Variants in TAS2R1 observed in about 807,000 individuals in gnomAD.
TAS2R1 encodes taste receptor type 2 member 1.
For missense variants in TAS2R1, 370 were observed against 353.4 expected (o/e 1.05, Z -0.38); for synonymous variants, 141 against 134.2 (o/e 1.05, Z -0.35).
the TAS2R1 span, among the ~76,000 whole-genome samples, chr5:9,751,675 C>G: frequency 6.6e-6 from 1 of 152,148 alleles, no homozygotes; most frequent in African/African-American, 2.4e-5. Flanking sequence ...AGAGTTTCCT[C>G]CAAATGAGAT....
the TAS2R1 span, among the ~76,000 whole-genome samples, chr5:9,850,488 C>T: frequency 0.077 from 11,706 of 152,272 alleles, 610 homozygotes; most frequent in East Asian, 0.21. Context: ...GAATCCATCA[C>T]GGAGGGTACA....
intron 2 of TAS2R1, among the ~76,000 whole-genome samples, chr5:9,645,188 C>T (rs1040364523): frequency 3.3e-5 from 5 of 152,266 alleles, no homozygotes; most frequent in Admixed American, 6.5e-5. Context: ...GTGCTTACAA[C>T]GCTAAACAAT....
At chr5:9,726,708 A>G in the TAS2R1 span, among the ~76,000 whole-genome samples, 1 of 152,226 alleles carries the variant, frequency 6.6e-6, no homozygotes, top group Non-Finnish European at 1.5e-5. Flanking sequence ...CCGCGGCTTC[A>G]TTCTTGAAGT....
At chr5:9,863,938 C>A in the TAS2R1 span, among the ~76,000 whole-genome samples, 1 of 152,140 alleles carries the variant, frequency 6.6e-6, no homozygotes, top group Non-Finnish European at 1.5e-5. Context: ...AAGCAATTCT[C>A]CAATAACCAC....
At chr5:9,704,443 A>G (rs1304518112) in intron 1 of TAS2R1, among the ~76,000 whole-genome samples, 1 of 152,154 alleles carries the variant, frequency 6.6e-6, no homozygotes, top group Non-Finnish European at 1.5e-5. Flanking sequence ...GCTGCTCGTG[A>G]GCTGTGGTGA....
chr5:9,661,894 T>A (rs1740545483), intron 1 of TAS2R1, among the ~76,000 whole-genome samples: 1 of 152,224 alleles, frequency 6.6e-6, no homozygotes. Context: ...ACTTAGTGCC[T>A]GAAACAGCTC....
intron 1 of TAS2R1, among the ~76,000 whole-genome samples, chr5:9,693,417 G>A (rs1258072892): frequency 6.6e-6 from 1 of 151,164 alleles, no homozygotes; most frequent in Non-Finnish European, 1.5e-5. Context: ...CCAGCTACTC[G>A]GGAAGCTGAG....
At chr5:9,885,011 C>A in the TAS2R1 span, among the ~76,000 whole-genome samples, 1 of 152,184 alleles carries the variant, frequency 6.6e-6, no homozygotes, top group Non-Finnish European at 1.5e-5. Context: ...CTACTATGTA[C>A]CAGGCACTGT....
chr5:9,812,298 T>C, the TAS2R1 span, among the ~76,000 whole-genome samples: 1 of 151,116 alleles, frequency 6.6e-6, no homozygotes, highest in Non-Finnish European at 1.5e-5. Flanking sequence ...AGTATACATA[T>C]AATAATATTA....
the TAS2R1 span, among the ~76,000 whole-genome samples, chr5:9,876,352 C>T: frequency 0.014 from 2,132 of 152,222 alleles, 50 homozygotes; most frequent in African/African-American, 0.048. Context: ...AACCCAAAGA[C>T]GATTCCTGAG....
rs975614875 is a variant in TAS2R1, at chr5:9,627,570, A to T, written c.*1563T>A. Among the ~76,000 whole-genome samples, 13 of 152,242 alleles carry T rather than the reference A, an allele frequency of 8.5e-5. No individual in the cohort carries two copies. The highest frequency in any genetic ancestry group is 1.9e-4 in the Non-Finnish European group (13 of 68,044). On this transcript the variant is annotated 3_prime_UTR_variant, in exon 1 of 1. Transcript: ENST00000382492. Reference sequence around the variant, plus strand: ...TGAAATTGCTCCCACTCTTTCAGGTACACGTATCACAGATTCAAGGAACAG... The same window carrying T: ...TGAAATTGCTCCCACTCTTTCAGGTTCACGTATCACAGATTCAAGGAACAG...
At chr5:9,809,778 A>T in the TAS2R1 span, among the ~76,000 whole-genome samples, 1 of 152,184 alleles carries the variant, frequency 6.6e-6, no homozygotes, top group Non-Finnish European at 1.5e-5. Flanking sequence ...ATCCTTTATC[A>T]ATGCCAATGA....
intron 2 of TAS2R1, among the ~76,000 whole-genome samples, chr5:9,655,038 C>T (rs1245218213): frequency 1.3e-5 from 2 of 152,036 alleles, no homozygotes; most frequent in Admixed American, 6.6e-5. Context: ...AGGAAGAAGG[C>T]CAGACACAAC....
the TAS2R1 span, among the ~76,000 whole-genome samples, chr5:9,888,178 C>T: frequency 6.6e-6 from 1 of 152,124 alleles, no homozygotes; most frequent in Non-Finnish European, 1.5e-5. Context: ...TTCCCCTCCA[C>T]CCCTCACATC....
At chr5:9,726,526 T>G in the TAS2R1 span, among the ~76,000 whole-genome samples, 1 of 152,098 alleles carries the variant, frequency 6.6e-6, no homozygotes, top group African/African-American at 2.4e-5. Flanking sequence ...ACTCTTTGGG[T>G]CCACACTGCC....
chr5:9,846,109 TA>T, the TAS2R1 span, among the ~76,000 whole-genome samples: 1 of 152,118 alleles, frequency 6.6e-6, no homozygotes, highest in Non-Finnish European at 1.5e-5. Context: ...AACACAAATA[TA>T]ATTAGATGAG....
intron 2 of TAS2R1, among the ~76,000 whole-genome samples, chr5:9,656,010 G>A (rs981042961): frequency 6.6e-6 from 1 of 152,002 alleles, no homozygotes; most frequent in African/African-American, 2.4e-5. Context: ...TAGGAGCCCT[G>A]CTTTGCAATG....
the TAS2R1 span, among the ~76,000 whole-genome samples, chr5:9,839,341 G>C: frequency 6.6e-6 from 1 of 152,260 alleles, no homozygotes; most frequent in Admixed American, 6.5e-5. Context: ...ATTCATATAT[G>C]ATATCAGCAA....
chr5:9,696,572 A>G (rs1490761433), intron 1 of TAS2R1, among the ~76,000 whole-genome samples: 1 of 152,072 alleles, frequency 6.6e-6, no homozygotes, highest in Non-Finnish European at 1.5e-5. Context: ...AAAAAATAAA[A>G]TAAAATAAAT....
Sources: gnomAD v4.1 joint callset for allele counts (sites outside exome capture counted in the v4.1 genomes callset) on GRCh38, gnomAD v4.1.1 for gene constraint, MANE v1.5 for transcripts, NCBI Gene and HGNC (gene_info 2026-07-23, HGNC 2026-07-21) for gene names.